The following DNAH5 variants were observed in gnomAD, a reference collection of about 807,000 sequenced individuals.
DNAH5 encodes dynein axonemal heavy chain 5.
DNAH5 carries 372 observed loss-of-function variants against 518.2 expected under a neutral mutation model. The ratio of observed to expected loss-of-function variants is 0.72; its 90% CI spans 0.66 to 0.78. DNAH5 has a LOEUF of 0.78. DNAH5 is among the 30% of genes least tolerant of loss of function. The pLI is 0.00. For synonymous variants in DNAH5, 2,039 were observed against 2,025.9 expected, an observed-to-expected ratio of 1.01 and a Z score of -0.17; for missense variants, 5,523 against 5,687.0, an observed-to-expected ratio of 0.97 and a Z score of 0.93.
At chr5:13,950,185 G>A (rs535576516) in intron 1 of DNAH5, among the ~76,000 whole-genome samples, 1 of 152,278 alleles carries the variant, frequency 6.6e-6, no homozygotes, top group South Asian at 2.1e-4. Context: ...AAACACTGCA[G>A]TACTGTTATG....
At chr5:13,738,445 A>G (rs183414184) in intron 65 of DNAH5, among the ~76,000 whole-genome samples, 32 of 152,314 alleles carry the variant, frequency 2.1e-4, no homozygotes, top group African/African-American at 7.2e-4. Context: ...CAAGCAACTG[A>G]GCTGCAACTG....
At chr5:13,937,335 C>A (rs1454436874) in intron 1 of DNAH5, among the ~76,000 whole-genome samples, 1 of 150,540 alleles carries the variant, frequency 6.6e-6, no homozygotes, top group Admixed American at 6.7e-5. Flanking sequence ...TAACTAGCAC[C>A]GATTTCCTGA....
rs79619225 is a variant in DNAH5, at chr5:13,950,761, T to C, written c.13-19517A>G. Among the ~76,000 whole-genome samples, 1,308 of 152,344 alleles carry C rather than the reference T, an allele frequency of 8.6e-3. 18 individuals are homozygous for C. Among genetic ancestry groups the C allele is most frequent in the African/African-American group, 0.03 (1,260 of 41,588 alleles). On this transcript the variant is annotated intron_variant, in intron 1 of 78. Transcript: ENST00000681290. ...TGCTGCATAGCACAGTTATGTTTCA[T>C]GTTGAGTCTCTTCAGATAGTATCGC...
intron 9 of DNAH5, among the ~76,000 whole-genome samples, chr5:13,915,930 T>C (rs1414351074): frequency 6.6e-6 from 1 of 152,076 alleles, no homozygotes; most frequent in Admixed American, 6.6e-5. Context: ...ATTACTGTTC[T>C]AATAACACCA....
Position 13,713,470 on chromosome 5 carries a change from C to T in DNAH5, c.13125+935G>A, listed in dbSNP as rs113505392. Among the ~76,000 whole-genome samples, 207 of 97,710 alleles carry T rather than the reference C, an allele frequency of 2.1e-3. 2 individuals carry two copies. Among genetic ancestry groups the T allele is most frequent in the Middle Eastern group, 6.0e-3 (1 of 166 alleles). 64.1% of individuals were successfully genotyped at this position (97,710 alleles called of 152,430 possible). ...ATATATATATATATATATATATACA[C>T]ACACCGATATATATATATATATGAT... On this transcript the variant is annotated intron_variant, in intron 75 of 78. Coordinates refer to ENST00000265104, the MANE Select transcript of DNAH5 (RefSeq NM_001369.3).
chr5:13,828,435 T>C (rs1274254344), intron 38 of DNAH5, among the ~76,000 whole-genome samples: 2 of 152,232 alleles, frequency 1.3e-5, no homozygotes, highest in African/African-American at 4.8e-5. Flanking sequence ...AATTGTGGCA[T>C]GATGCCCACC....
At chr5:13,961,681 G>A (rs1781196924) in intron 1 of DNAH5, among the ~76,000 whole-genome samples, 1 of 151,990 alleles carries the variant, frequency 6.6e-6, no homozygotes, top group South Asian at 2.1e-4. Flanking sequence ...GAAAGGTATG[G>A]TAAAGTGACT....
At chr5:13,857,832 C>G (rs542203483) in intron 30 of DNAH5, among the ~76,000 whole-genome samples, 4 of 152,170 alleles carry the variant, frequency 2.6e-5, no homozygotes, top group Non-Finnish European at 5.9e-5. Flanking sequence ...AAACTGGACC[C>G]CTTCCTTACA....
At chr5:13,739,291 GT>G (rs1748051533) in intron 65 of DNAH5, among the ~76,000 whole-genome samples, 1 of 152,168 alleles carries the variant, frequency 6.6e-6, no homozygotes, top group African/African-American at 2.4e-5. Flanking sequence ...CATGAGGGCA[GT>G]TTCCCCCATG....
At position 13,735,126 on chromosome 5, in the gene DNAH5, T is replaced by G. The variant is rs780205801; in HGVS notation, c.11761+5A>C. 6.2e-7 allele frequency: 1 copy of G among 1,613,372 alleles called. No individual in the cohort carries two copies. The highest frequency in any genetic ancestry group is 1.3e-5 in the African/African-American group (1 of 74,930). ...GTGCGCTATAGTCTCTATTCTTATA[T>G]TGACCTTTAATAAGAGTGAGAAACT... On this transcript the variant is annotated splice_donor_5th_base_variant and intron_variant, in intron 68 of 78. Transcript: ENST00000265104.
At chr5:13,745,705 AAG>A (rs1749235850) in intron 65 of DNAH5, among the ~76,000 whole-genome samples, 1 of 152,064 alleles carries the variant, frequency 6.6e-6, no homozygotes, top group Non-Finnish European at 1.5e-5. Flanking sequence ...ATCCCCACTG[AAG>A]AGATTCAGCC....
chr5:13,848,686 G>A (rs58580790), intron 31 of DNAH5, among the ~76,000 whole-genome samples: 12 of 152,218 alleles, frequency 7.9e-5, no homozygotes, highest in East Asian at 3.9e-4. Context: ...TAGATCCCTC[G>A]CATGTGCAGT....
In DNAH5 at chr5:13,862,682, T is replaced by C. The variant is rs1338989107; in HGVS notation, c.4662A>G (p.Glu1554=). 4 of 1,613,922 alleles carry C rather than the reference T, an allele frequency of 2.5e-6. No individual in the cohort carries two copies. The highest frequency in any genetic ancestry group is 3.4e-6 in the Non-Finnish European group (4 of 1,179,964). The change falls in exon 29 of 79, where the codon GAA becomes GAG. Residue 1554 remains glutamate (E), a synonymous_variant. Coordinates refer to ENST00000265104, the MANE Select transcript of DNAH5 (RefSeq NM_001369.3). ...CGAAGGTGAATGTTTTATTGTCCCA[T>C]TCATTAATCACTTGCTTCAGCTTTT... is the stretch of plus-strand genomic sequence containing the variant. ...IEQKLKQVIN[E]WDNKTFTFGS... is the part of the protein sequence containing the mutation.
intron 1 of DNAH5, among the ~76,000 whole-genome samples, chr5:13,960,491 C>T (rs963998419): frequency 4.6e-5 from 7 of 152,316 alleles, no homozygotes; most frequent in African/African-American, 1.7e-4. Flanking sequence ...GGAACACAGA[C>T]GTATTTATTC....
intron 57 of DNAH5, 108 bp from the exon 58 acceptor site, chr5:13,769,244 GTTGTT>G: frequency 5.7e-6 from 5 of 879,230 alleles, no homozygotes; most frequent in Non-Finnish European, 6.6e-6. Flanking sequence ...ACCCAGTTTT[GTTGTT>G]TTTTTTTTTT....
chr5:13,870,382 G>T (rs1195281884), intron 24 of DNAH5, among the ~76,000 whole-genome samples: 1 of 152,258 alleles, frequency 6.6e-6, no homozygotes, highest in East Asian at 1.9e-4. Flanking sequence ...GGAGTAGAAA[G>T]GGTAGTCTCC....
At chr5:13,858,218 C>T (rs557596502) in intron 30 of DNAH5, among the ~76,000 whole-genome samples, 172 of 152,270 alleles carry the variant, frequency 1.1e-3, no homozygotes, top group Middle Eastern at 3.4e-3. Flanking sequence ...CACATATACA[C>T]CATGGAATAC....
intron 47 of DNAH5, among the ~76,000 whole-genome samples, chr5:13,797,569 G>T (rs1758020875): frequency 6.6e-6 from 1 of 152,172 alleles, no homozygotes; most frequent in Admixed American, 6.5e-5. Context: ...TGCTGGAAAG[G>T]ATGTGGAGAA....
chr5:13,696,706 G>A (rs537662978), intron 78 of DNAH5, among the ~76,000 whole-genome samples: 160 of 152,084 alleles, frequency 1.1e-3, no homozygotes, highest in African/African-American at 3.3e-3. Context: ...TAAATATATC[G>A]CATGAAAGGG....
Sources: gnomAD v4.1 joint callset for allele counts (sites outside exome capture counted in the v4.1 genomes callset) on GRCh38, gnomAD v4.1.1 for gene constraint, MANE v1.5 for transcripts, NCBI Gene and HGNC (gene_info 2026-07-23, HGNC 2026-07-21) for gene names.